MINDY2: variants seen among roughly 807,000 people sequenced by gnomAD.
The protein encoded by MINDY2 is MINDY lysine 48 deubiquitinase 2.
Under a neutral mutation model 68.2 loss-of-function variants are expected in MINDY2, and 52 were observed. The observed-to-expected ratio is 0.76, with a 90% CI of 0.61 to 0.96. The LOEUF (loss-of-function observed/expected upper bound fraction) is 0.96, where lower values mean the gene tolerates loss of function less well. Among genes scored for constraint, MINDY2 ranks in the 40% least tolerant of loss-of-function variants. MINDY2 has a pLI of 0.00. For synonymous variants in MINDY2, 372 were observed against 303.0 expected, an observed-to-expected ratio of 1.23 and a Z score of -2.36; for missense variants, 881 against 773.4, an observed-to-expected ratio of 1.14 and a Z score of -1.65.
At chr15:58,804,464 G>T (rs763586984) in intron 3 of MINDY2, among the ~76,000 whole-genome samples, 1 of 151,980 alleles carries the variant, frequency 6.6e-6, no homozygotes, top group Non-Finnish European at 1.5e-5. Context: ...TTTTACTTTC[G>T]TTGCCTAATC....
chr15:58,794,451 T>C (rs1037440184), intron 2 of MINDY2, among the ~76,000 whole-genome samples: 3 of 150,910 alleles, frequency 2.0e-5, no homozygotes, highest in Non-Finnish European at 4.4e-5. Context: ...ACAGGCAGGG[T>C]ATTGGAAGAG....
chr15:58,799,470 G>A (rs868257682), intron 2 of MINDY2, among the ~76,000 whole-genome samples: 6 of 151,904 alleles, frequency 3.9e-5, no homozygotes, highest in African/African-American at 1.5e-4. Flanking sequence ...GGGAGGCTGA[G>A]GCTGAGGCTG....
chr15:58,855,202 C>A lies in MINDY2; in HGVS notation c.*592C>A, dbSNP rs1413926884. ...TGTACATTTTAGGTATTATCTTGAT[C>A]ATGGAGCTTAGTTTTAATTTAGATA... On this transcript the variant is annotated 3_prime_UTR_variant, in exon 9 of 9. Transcript: ENST00000559228. 8 of 152,612 alleles carry A rather than the reference C, an allele frequency of 5.2e-5. No homozygotes were observed. Among genetic ancestry groups the A allele is most frequent in the African/African-American group, 1.9e-4 (8 of 41,442 alleles). 9.5% of individuals were successfully genotyped at this position (152,612 alleles called of 1,614,324 possible). A position where few individuals can be genotyped will look rare whatever the true frequency, so the allele number is the denominator to read the frequency against.
chr15:58,852,210 C>A (rs571182035), intron 8 of MINDY2, among the ~76,000 whole-genome samples: 8 of 134,470 alleles, frequency 5.9e-5, no homozygotes, highest in African/African-American at 2.2e-4. Flanking sequence ...ATTGCTTGAA[C>A]CTGGGAGGCA....
intron 2 of MINDY2, among the ~76,000 whole-genome samples, chr15:58,799,489 G>T (rs1273239016): frequency 2.6e-5 from 4 of 151,200 alleles, no homozygotes; most frequent in Non-Finnish European, 5.9e-5. Context: ...TGAGGCAGGA[G>T]AATGGCATGA....
chr15:58,813,519 C>T (rs2030449022), intron 4 of MINDY2, among the ~76,000 whole-genome samples: 1 of 152,168 alleles, frequency 6.6e-6, no homozygotes, highest in South Asian at 2.1e-4. Flanking sequence ...CATTTGTGTA[C>T]AGGTACGTTT....
intron 3 of MINDY2, among the ~76,000 whole-genome samples, chr15:58,806,088 AG>A (rs1274810641): frequency 2.0e-5 from 3 of 152,202 alleles, no homozygotes; most frequent in African/African-American, 7.2e-5. Context: ...AAACAACAAA[AG>A]AAAAGACAAA....
At chr15:58,831,037 G>GTATATATATATATA (rs549317915) in intron 5 of MINDY2, among the ~76,000 whole-genome samples, 130 of 110,352 alleles carry the variant, frequency 1.2e-3, no homozygotes, top group African/African-American at 4.9e-3. Context: ...GTGTGTGTGT[G>GTATATATATATATA]TGTGTATATA....
chr15:58,840,923 C>T (rs906037594), intron 6 of MINDY2, among the ~76,000 whole-genome samples: 4 of 149,942 alleles, frequency 2.7e-5, no homozygotes. Context: ...CTGACTCGGC[C>T]TCCCAAAGTG....
chr15:58,784,727 C>T (rs1211009344), intron 1 of MINDY2, among the ~76,000 whole-genome samples: 3 of 150,438 alleles, frequency 2.0e-5, no homozygotes, highest in African/African-American at 7.3e-5. Context: ...TCAAGTGGTG[C>T]TCCCACCTCA....
chr15:58,801,955 A>G (rs1369068329), intron 2 of MINDY2, among the ~76,000 whole-genome samples: 1 of 152,208 alleles, frequency 6.6e-6, no homozygotes, highest in African/African-American at 2.4e-5. Flanking sequence ...TCAGTGTTGC[A>G]GACATTTAGA....
rs533263549 is a variant in MINDY2 at position 58,820,265 on chromosome 15, AAAACAAAC to A, written c.1123-1432_1123-1425del. ...TGGCGACAGAGTGAGATTCCATCTC[AAAACAAAC>A]AAACAAACAAACAAACAAAAATTAG... On this transcript the variant is annotated intron_variant, in intron 4 of 8. Transcript: ENST00000559228. Among the ~76,000 whole-genome samples the A allele has an allele frequency of 3.4e-4, 52 of 151,238 alleles. 1 individual carries two copies. The highest frequency in any genetic ancestry group is 1.1e-3 in the African/African-American group (47 of 41,212).
In MINDY2 at chr15:58,798,702, C is replaced by T. The variant is rs187909904; in HGVS notation, c.899-3611C>T. 2.6e-5 allele frequency among the ~76,000 whole-genome samples: 4 copies of T among 152,152 alleles called. No homozygotes were observed. The East Asian group carries it at 7.7e-4, about 29-fold the overall frequency. On this transcript the variant is annotated intron_variant, in intron 2 of 8. Transcript: ENST00000559228. ...AACTCCTGACTTCAGGTGATCCGCC[C>T]GCCTTGGCCTCCCAAAGTGCTGGGA...
intron 4 of MINDY2, 151 bp downstream of exon 4, chr15:58,810,539 C>A: frequency 2.9e-6 from 2 of 699,636 alleles, no homozygotes; most frequent in Non-Finnish European, 4.4e-6. Context: ...CAGAGTCCTC[C>A]AGACTACTAA....
chr15:58,786,767 CCTT>C (rs1406551084), intron 1 of MINDY2, among the ~76,000 whole-genome samples: 1 of 152,164 alleles, frequency 6.6e-6, no homozygotes, highest in East Asian at 1.9e-4. Flanking sequence ...AACTATAACT[CCTT>C]CTGTTACCAC....
At chr15:58,793,574 G>A (rs1235291372) in intron 2 of MINDY2, among the ~76,000 whole-genome samples, 5 of 152,138 alleles carry the variant, frequency 3.3e-5, no homozygotes, top group Admixed American at 1.3e-4. Context: ...AGCTTGTATC[G>A]TATGTGGATT....
intron 4 of MINDY2, among the ~76,000 whole-genome samples, chr15:58,820,802 C>G (rs953125726): frequency 1.2e-4 from 18 of 152,000 alleles, no homozygotes; most frequent in Non-Finnish European, 2.5e-4. Context: ...CTGTGGTATT[C>G]AAAGAGTAAG....
Position 58,771,939 on chromosome 15 carries a change from C to T in MINDY2, c.544C>T (p.Leu182=), listed in dbSNP as rs551429518. Residue 182 remains leucine (L), a synonymous_variant, in exon 1 of 9, where the codon CTG becomes TTG. Coordinates refer to ENST00000559228, the MANE Select transcript of MINDY2 (RefSeq NM_001040450.3). ...SLDSLESFSN[L]HSFPSSCEFN... ...GGACTCTCTGGAGTCGTTCTCTAAC[C>T]TGCATTCTTTTCCCAGTAGCTGCGA... 16 of 1,555,084 alleles carry T rather than the reference C, an allele frequency of 1.0e-5. No homozygotes were observed. In the East Asian group the frequency reaches 3.2e-4, roughly 31 times the overall value.
intron 5 of MINDY2, 49 bp from the exon 6 acceptor site, chr15:58,831,725 T>C: frequency 2.0e-6 from 3 of 1,535,988 alleles, no homozygotes; most frequent in Non-Finnish European, 2.6e-6. Context: ...GAATAACTTT[T>C]TGATTTTGAA....
Sources: gnomAD v4.1 joint callset for allele counts (sites outside exome capture counted in the v4.1 genomes callset) on GRCh38, gnomAD v4.1.1 for gene constraint, MANE v1.5 for transcripts, NCBI Gene and HGNC (gene_info 2026-07-23, HGNC 2026-07-21) for gene names.